Variants in ARHGAP15 observed in about 807,000 individuals in gnomAD.
ARHGAP15 encodes rho GTPase-activating protein 15.
Under a neutral mutation model 63.7 loss-of-function variants are expected in ARHGAP15, and 51 were observed. The ratio of observed to expected loss-of-function variants is 0.80; its 90% CI spans 0.64 to 1.01. The LOEUF (loss-of-function observed/expected upper bound fraction) is 1.01. Among genes scored for constraint, ARHGAP15 ranks in the 50% least tolerant of loss-of-function variants. The pLI, the probability that ARHGAP15 is intolerant of heterozygous loss-of-function variation, is 0.00. For synonymous variants in ARHGAP15, 191 were observed against 193.8 expected, an observed-to-expected ratio of 0.99 and a Z score of 0.12; for missense variants, 560 against 564.6, an observed-to-expected ratio of 0.99 and a Z score of 0.08.
At chr2:143,627,785 G>A (rs1450817536) in intron 12 of ARHGAP15, among the ~76,000 whole-genome samples, 1 of 151,962 alleles carries the variant, frequency 6.6e-6, no homozygotes, top group African/African-American at 2.4e-5. Flanking sequence ...AGGAGGGTTG[G>A]TCCTAGCCAG....
intron 8 of ARHGAP15, among the ~76,000 whole-genome samples, chr2:143,473,873 GC>G (rs1691692462): frequency 6.6e-6 from 1 of 152,154 alleles, no homozygotes; most frequent in African/African-American, 2.4e-5. Context: ...GTCTCAAGAA[GC>G]TTTTGGAGGC....
At chr2:143,478,882 TC>T (rs758582514) in intron 8 of ARHGAP15, among the ~76,000 whole-genome samples, 1 of 152,190 alleles carries the variant, frequency 6.6e-6, no homozygotes, top group Non-Finnish European at 1.5e-5. Context: ...TGTTTTTCTG[TC>T]CTGGCTGAAA....
At chr2:143,327,590 C>G (rs1684315558) in intron 6 of ARHGAP15, among the ~76,000 whole-genome samples, 1 of 152,072 alleles carries the variant, frequency 6.6e-6, no homozygotes, top group African/African-American at 2.4e-5. Flanking sequence ...CTTCCCTACA[C>G]CTTATACAAA....
chr2:143,411,829 T>A (rs1688458128), intron 6 of ARHGAP15, among the ~76,000 whole-genome samples: 1 of 152,154 alleles, frequency 6.6e-6, no homozygotes, highest in African/African-American at 2.4e-5. Flanking sequence ...TAGCAAGTAG[T>A]GAGAAAGTAT....
intron 6 of ARHGAP15, among the ~76,000 whole-genome samples, chr2:143,263,390 C>A (rs2105024114): frequency 6.6e-6 from 1 of 152,268 alleles, no homozygotes; most frequent in African/African-American, 2.4e-5. Context: ...CTGATGTTGT[C>A]AGTTTGCTGT....
At chr2:143,763,817 T>C (rs1021578123) in intron 13 of ARHGAP15, among the ~76,000 whole-genome samples, 1 of 149,088 alleles carries the variant, frequency 6.7e-6, no homozygotes, top group Non-Finnish European at 1.5e-5. Context: ...AGATTACATA[T>C]ATACACATAC....
intron 9 of ARHGAP15, among the ~76,000 whole-genome samples, chr2:143,488,255 A>G (rs1692416828): frequency 1.3e-5 from 2 of 152,244 alleles, no homozygotes; most frequent in African/African-American, 4.8e-5. Context: ...TATGTAAAGC[A>G]TTCAACAGAG....
intron 6 of ARHGAP15, among the ~76,000 whole-genome samples, chr2:143,274,010 G>C (rs935071898): frequency 6.6e-6 from 1 of 152,114 alleles, no homozygotes; most frequent in East Asian, 1.9e-4. Context: ...TTCCAGAAAA[G>C]TATGGCTTTC....
chr2:143,609,371 T>C (rs1424137000), intron 11 of ARHGAP15, among the ~76,000 whole-genome samples: 1 of 152,110 alleles, frequency 6.6e-6, no homozygotes, highest in Non-Finnish European at 1.5e-5. Context: ...AAGAATGGAG[T>C]AGGCACTCTA....
intron 6 of ARHGAP15, among the ~76,000 whole-genome samples, chr2:143,277,685 AGATT>A (rs1019066746): frequency 1.3e-5 from 2 of 152,014 alleles, no homozygotes; most frequent in African/African-American, 4.8e-5. Context: ...GATAATCTTT[AGATT>A]GATTAGTTTC....
chr2:143,129,912 G>A (rs1228289978), intron 1 of ARHGAP15, among the ~76,000 whole-genome samples: 1 of 152,072 alleles, frequency 6.6e-6, no homozygotes, highest in Non-Finnish European at 1.5e-5. Context: ...TCACTTTAAA[G>A]CATTGTATTA....
chr2:143,634,668 CATTCTGCTTTAAT>C (rs1441231607), intron 12 of ARHGAP15, among the ~76,000 whole-genome samples: 3 of 152,172 alleles, frequency 2.0e-5, no homozygotes, highest in Non-Finnish European at 4.4e-5. Context: ...CGGCCATCTT[CATTCTGCTTTAAT>C]ATTTTGCTTT....
chr2:143,440,769 A>G (rs1299191010), intron 8 of ARHGAP15, among the ~76,000 whole-genome samples: 1 of 152,160 alleles, frequency 6.6e-6, no homozygotes, highest in Non-Finnish European at 1.5e-5. Flanking sequence ...GGGCCAAATC[A>G]CTGTGGGAAA....
chr2:143,152,984 T>A (rs751001175), intron 1 of ARHGAP15, among the ~76,000 whole-genome samples: 1 of 151,938 alleles, frequency 6.6e-6, no homozygotes, highest in East Asian at 1.9e-4. Context: ...CTTGTCCCCA[T>A]GAAAACAGAG....
At chr2:143,519,990 T>A (rs1357394340) in intron 10 of ARHGAP15, among the ~76,000 whole-genome samples, 1 of 152,156 alleles carries the variant, frequency 6.6e-6, no homozygotes, top group East Asian at 1.9e-4. Flanking sequence ...CTGTGGGGTG[T>A]TTTTCCTTCA....
At chr2:143,129,493 G>A (rs1688839197) in intron 1 of ARHGAP15, 27 bp downstream of exon 1, 1 of 152,194 alleles carries the variant, frequency 6.6e-6, no homozygotes. Flanking sequence ...TATTGTACAT[G>A]AAATTTAAAC....
intron 6 of ARHGAP15, among the ~76,000 whole-genome samples, chr2:143,321,632 A>G (rs1217528778): frequency 1.3e-5 from 2 of 152,270 alleles, no homozygotes; most frequent in Non-Finnish European, 2.9e-5. Flanking sequence ...CCTGGGCCCC[A>G]TAATCTGAGA....
At chr2:143,624,947 T>G (rs929934911) in intron 12 of ARHGAP15, among the ~76,000 whole-genome samples, 1 of 151,918 alleles carries the variant, frequency 6.6e-6, no homozygotes, top group Non-Finnish European at 1.5e-5. Context: ...TAAGTAAAAG[T>G]GAATAAATGA....
chr2:143,471,005 G>T (rs969274240), intron 8 of ARHGAP15, among the ~76,000 whole-genome samples: 1 of 96,116 alleles, frequency 1.0e-5, no homozygotes, highest in Non-Finnish European at 2.7e-5. Context: ...TGTGTGTATA[G>T]ATAAAGAAGA....
Sources: allele counts gnomAD v4.1 joint callset (sites outside exome capture counted in the v4.1 genomes callset), GRCh38; gene constraint gnomAD v4.1.1; transcripts MANE v1.5; gene names NCBI Gene and HGNC (gene_info 2026-07-23, HGNC 2026-07-21).